Variants in EIF2AK2 observed in about 807,000 individuals in gnomAD.
EIF2AK2 encodes interferon-induced, double-stranded RNA-activated protein kinase.
In EIF2AK2, 40 loss-of-function variants were observed where a neutral mutation model predicts 70.5. The observed-to-expected ratio is 0.57, with a 90% confidence interval of 0.44 to 0.74. EIF2AK2 has a LOEUF of 0.74. Ranked by LOEUF, EIF2AK2 falls within the 30% of genes least tolerant of loss-of-function variation. The pLI, the probability that EIF2AK2 is intolerant of heterozygous loss-of-function variation, is 0.00. For synonymous variants in EIF2AK2, 198 were observed against 220.9 expected, an observed-to-expected ratio of 0.90 and a Z score of 0.92; for missense variants, 555 against 644.3, an observed-to-expected ratio of 0.86 and a Z score of 1.50.
chr2:37,126,059 G>A (rs143397866), intron 11 of EIF2AK2, among the ~76,000 whole-genome samples: 253 of 152,190 alleles, frequency 1.7e-3, no homozygotes, highest in African/African-American at 5.9e-3. Context: ...CTTCAGTTCT[G>A]AAGATAGCAC....
intron 14 of EIF2AK2, among the ~76,000 whole-genome samples, chr2:37,112,027 T>C (rs1674180185): frequency 6.6e-6 from 1 of 150,792 alleles, no homozygotes; most frequent in Admixed American, 6.6e-5. Context: ...ACTGGCCTCC[T>C]AGTGAGAGGA....
chr2:37,124,289 T>A (rs561430853), intron 11 of EIF2AK2, among the ~76,000 whole-genome samples: 91 of 149,580 alleles, frequency 6.1e-4, no homozygotes, highest in Admixed American at 6.1e-3. Flanking sequence ...TTGAGAAGAG[T>A]CTTGCTTTGT....
rs1367127058 is a variant in EIF2AK2, at chr2:37,146,873, T to A, written c.220A>T (p.Ile74Leu). The A allele has an allele frequency of 1.2e-6, 2 of 1,613,874 alleles. No individual in the cohort carries two copies. Among genetic ancestry groups the A allele is most frequent in the Non-Finnish European group, 8.5e-7 (1 of 1,179,976 alleles). ...CTCACCTTCTTTTCCTTATTAAGTA[T>A]CTCAACAGCTAATTTGGCTGCGGCA... ...KNAAAKLAVE[I>L]LNKEKKAVSP... is the part of the protein sequence containing the mutation. The change falls in exon 4 of 17, where the codon ATA (isoleucine) becomes TTA (leucine). Residue 74 changes from isoleucine to leucine, a missense_variant. This residue lies in a region of EIF2AK2 where 208 missense variants were observed against 191.8 expected (regional missense o/e 1.08). Coordinates refer to ENST00000233057, the MANE Select transcript of EIF2AK2 (RefSeq NM_001135651.3).
At chr2:37,127,903 T>C (rs1479458283) in intron 10 of EIF2AK2, among the ~76,000 whole-genome samples, 2 of 152,008 alleles carry the variant, frequency 1.3e-5, no homozygotes, top group African/African-American at 4.8e-5. Flanking sequence ...CCACGACACC[T>C]GCTAATTTTT....
intron 10 of EIF2AK2, among the ~76,000 whole-genome samples, chr2:37,132,155 A>T (rs1046427033): frequency 1.3e-5 from 2 of 152,128 alleles, no homozygotes; most frequent in Non-Finnish European, 2.9e-5. Flanking sequence ...TCAACCAACC[A>T]TCCAATTCTC....
intron 14 of EIF2AK2, among the ~76,000 whole-genome samples, chr2:37,112,251 G>C (rs1236547762): frequency 1.3e-5 from 2 of 152,134 alleles, no homozygotes; most frequent in Non-Finnish European, 2.9e-5. Flanking sequence ...CAAAACTGCA[G>C]CCAGCCAGAC....
chr2:37,116,927 G>C (rs1265033984), intron 13 of EIF2AK2, among the ~76,000 whole-genome samples: 1 of 151,944 alleles, frequency 6.6e-6, no homozygotes, highest in Non-Finnish European at 1.5e-5. Context: ...AAAAGAAAAA[G>C]TGGGCAGGGC....
intron 11 of EIF2AK2, among the ~76,000 whole-genome samples, chr2:37,125,959 G>A (rs925036068): frequency 2.0e-5 from 3 of 152,160 alleles, no homozygotes; most frequent in African/African-American, 7.2e-5. Context: ...TATTTTGTGG[G>A]TAATGATAGG....
intron 4 of EIF2AK2, among the ~76,000 whole-genome samples, chr2:37,145,742 C>CTTT (rs56051707): frequency 2.0e-5 from 1 of 51,224 alleles, no homozygotes; most frequent in African/African-American, 8.1e-5. Context: ...TTTTGCTTGT[C>CTTT]TTTTTTTTTT....
Position 37,120,030 on chromosome 2 carries a change from C to T in EIF2AK2, c.1177G>A (p.Glu393Lys). The T allele has an allele frequency of 6.4e-7, 1 of 1,562,478 alleles. No homozygotes were observed. The highest frequency in any genetic ancestry group is 8.7e-7 in the Non-Finnish European group (1 of 1,150,856). ...GEKLDKVLAL[E>K]LFEQITKGVD... is the part of the protein sequence containing the mutation. Reference sequence around the variant, plus strand: ...CCTTTTGTTATTTGTTCAAAGAGTTCCAAAGCCAAAACTTTGTCTAGTTTC... The same window carrying T: ...CCTTTTGTTATTTGTTCAAAGAGTTTCAAAGCCAAAACTTTGTCTAGTTTC... Residue 393 changes from glutamate to lysine, a missense_variant, in exon 13 of 17, where the codon GAA becomes AAA. Physicochemically the swap from Glu to Lys is moderately conservative, Grantham distance 56. This residue lies in a region of EIF2AK2 where 299 missense variants were observed against 375.4 expected (regional missense o/e 0.80). Transcript: ENST00000233057.
intron 1 of EIF2AK2, among the ~76,000 whole-genome samples, chr2:37,154,747 A>T (rs187127579): frequency 6.6e-6 from 1 of 152,142 alleles, no homozygotes; most frequent in East Asian, 1.9e-4. Flanking sequence ...TTTTTAGTAG[A>T]GACGGGGTTT....
intron 4 of EIF2AK2, among the ~76,000 whole-genome samples, chr2:37,146,302 C>A (rs1193926626): frequency 6.6e-6 from 1 of 152,102 alleles, no homozygotes; most frequent in Non-Finnish European, 1.5e-5. Flanking sequence ...GTGCATTTCT[C>A]ACAATGTATT....
rs183214493 is a variant in EIF2AK2 at position 37,132,535 on chromosome 2, G to C, written c.785+2949C>G. On this transcript the variant is annotated intron_variant, in intron 10 of 16. Coordinates refer to ENST00000233057, the MANE Select transcript of EIF2AK2 (RefSeq NM_001135651.3). Reference sequence around the variant, plus strand: ...ACCCCAGAGGCAGAGATTGCAGTGAGCTGAGATCGTGCCACTGCACTCCAG... The same window carrying C: ...ACCCCAGAGGCAGAGATTGCAGTGACCTGAGATCGTGCCACTGCACTCCAG... Among the ~76,000 whole-genome samples the C allele has an allele frequency of 9.5e-4, 145 of 152,324 alleles. 2 individuals are homozygous for C. The highest frequency in any genetic ancestry group is 6.3e-4 in the Non-Finnish European group (43 of 68,030).
intron 1 of EIF2AK2, among the ~76,000 whole-genome samples, chr2:37,151,663 T>G (rs985455442): frequency 6.6e-6 from 1 of 152,094 alleles, no homozygotes; most frequent in Non-Finnish European, 1.5e-5. Flanking sequence ...CTGTTAACAA[T>G]AGCCAAAAGG....
At chr2:37,144,472 C>T (rs536554520) in intron 4 of EIF2AK2, among the ~76,000 whole-genome samples, 2 of 152,098 alleles carry the variant, frequency 1.3e-5, no homozygotes, top group South Asian at 4.2e-4. Flanking sequence ...TATGTTATTG[C>T]TCCTGAACAC....
rs776783394 is a variant in EIF2AK2 at position 37,138,472 on chromosome 2, A to T, written c.593+37T>A. On this transcript the variant is annotated intron_variant, in intron 7 of 16. Coordinates refer to ENST00000233057, the MANE Select transcript of EIF2AK2 (RefSeq NM_001135651.3). ...AATCTGTCTTTCAGACAGAAATATGAATATGTTAAGTATCTCAATTGTTTG... is the reference window on the plus strand; with the variant it reads ...AATCTGTCTTTCAGACAGAAATATGTATATGTTAAGTATCTCAATTGTTTG... 3 of 1,607,968 alleles carry T rather than the reference A, an allele frequency of 1.9e-6. No individual in the cohort carries two copies. In the Admixed American group the frequency reaches 5.0e-5, roughly 27 times the overall value.
chr2:37,126,188 A>T (rs571215463), intron 11 of EIF2AK2, 101 bp downstream of exon 11: 1 of 1,417,914 alleles, frequency 7.1e-7, no homozygotes, highest in South Asian at 1.6e-5. Flanking sequence ...GATCAGAAAG[A>T]AATAAATGAT....
At chr2:37,139,994 T>C (rs976254961) in intron 5 of EIF2AK2, among the ~76,000 whole-genome samples, 4 of 152,160 alleles carry the variant, frequency 2.6e-5, no homozygotes, top group Non-Finnish European at 5.9e-5. Context: ...TTCTAATTTT[T>C]TGTTGCTTTG....
chr2:37,138,108 CA>C (rs59032875), intron 8 of EIF2AK2, among the ~76,000 whole-genome samples, 161 bp downstream of exon 8: 239 of 67,154 alleles, frequency 3.6e-3, no homozygotes, highest in South Asian at 0.021. Context: ...GACTCCATCT[CA>C]AAAAAAAAAA....
Sources: allele counts gnomAD v4.1 joint callset (sites outside exome capture counted in the v4.1 genomes callset), GRCh38; gene constraint gnomAD v4.1.1; regional missense constraint gnomAD v4.1.1; transcripts MANE v1.5; gene names NCBI Gene and HGNC (gene_info 2026-07-23, HGNC 2026-07-21).